The following RSPO1 variants were observed in gnomAD, a reference collection of about 807,000 sequenced individuals.
RSPO1 encodes the protein R-spondin-1.
Under a neutral mutation model 26.0 loss-of-function variants are expected in RSPO1, and 18 were observed. The ratio of observed to expected loss-of-function variants is 0.69; its 90% CI spans 0.48 to 1.03. The LOEUF is 1.03. Among genes scored for constraint, RSPO1 ranks in the 50% least tolerant of loss-of-function variants. RSPO1 has a pLI of 0.00. For synonymous variants in RSPO1, 133 were observed against 137.4 expected, an observed-to-expected ratio of 0.97 and a Z score of 0.22; for missense variants, 309 against 352.3, an observed-to-expected ratio of 0.88 and a Z score of 0.98.
intron 3 of RSPO1, among the ~76,000 whole-genome samples, chr1:37,629,208 T>G (rs573434165): frequency 1.2e-4 from 18 of 152,184 alleles, no homozygotes; most frequent in Non-Finnish European, 2.5e-4. Context: ...GCAGGGGGAT[T>G]GGGGAAGCAT....
intron 3 of RSPO1, among the ~76,000 whole-genome samples, chr1:37,619,263 A>T (rs1049104341): frequency 1.3e-5 from 2 of 152,194 alleles, no homozygotes; most frequent in Non-Finnish European, 2.9e-5. Flanking sequence ...CCAGGGAGAG[A>T]GGAGCTGCAG....
In RSPO1 at chr1:37,612,792, C is replaced by T. The variant is rs1570091837; in HGVS notation, c.755G>A (p.Gly252Glu). 1.2e-6 allele frequency: 2 copies of T among 1,612,646 alleles called. No homozygotes were observed. The highest frequency in any genetic ancestry group is 4.5e-5 in the East Asian group (2 of 44,882). Residue 252 changes from glycine to glutamate, a missense_variant, in exon 7 of 7, where the codon GGG becomes GAG. Transcript: ENST00000356545. ...TGCAGATGTGAGTGGCCCCACTGTC[C>T]CTTGCTGCTGCTGCTGTTGCTGCCC... ...RKGQQQQQQQGTVGPLTSAGP... is the reference protein window; with the variant it reads ...RKGQQQQQQQETVGPLTSAGP...
intron 3 of RSPO1, among the ~76,000 whole-genome samples, chr1:37,621,592 C>T (rs1391963550): frequency 6.6e-6 from 1 of 151,894 alleles, no homozygotes; most frequent in East Asian, 1.9e-4. Flanking sequence ...GGGAGAGGGA[C>T]CACAGGAGGA....
Position 37,612,516 on chromosome 1 carries a change from GTGTGTA to G in RSPO1, c.*233_*238del, listed in dbSNP as rs1325592679. On this transcript the variant is annotated 3_prime_UTR_variant, in exon 7 of 7. Transcript: ENST00000356545. ...TGGCCTCAGGTGTGTGTGTGTGTGT[GTGTGTA>G]TGTGTGTGTGTGGTGTCTGTGTCTG... 6 of 591,442 alleles carry G rather than the reference GTGTGTA, an allele frequency of 1.0e-5. No homozygotes were observed. Among genetic ancestry groups the G allele is most frequent in the South Asian group, 3.8e-5 (2 of 52,294 alleles). 36.6% of individuals were successfully genotyped at this position (591,442 alleles called of 1,614,324 possible). A position where few individuals can be genotyped will look rare whatever the true frequency, so the allele number is the denominator to read the frequency against.
chr1:37,612,341 G>A lies in RSPO1; in HGVS notation c.*414C>T, dbSNP rs1019019455. ...TCAAGCTTGGCTCCCATCTGCCACA[G>A]TGGCTGGTCCGATCCCAGCAGCTTC... On this transcript the variant is annotated 3_prime_UTR_variant, in exon 7 of 7. Transcript: ENST00000356545. 4.4e-5 allele frequency: 10 copies of A among 228,914 alleles called. No homozygotes were observed. Among genetic ancestry groups the A allele is most frequent in the Non-Finnish European group, 8.8e-5 (10 of 113,900 alleles). The allele number at this position is 228,914 out of a possible 1,614,324, so 14.2% of individuals were successfully genotyped here.
rs1644066860 is a variant in RSPO1 at position 37,613,900 on chromosome 1, G to T, written c.437-8C>A. On this transcript the variant is annotated splice_region_variant and splice_polypyrimidine_tract_variant and intron_variant, in intron 5 of 6. Transcript: ENST00000356545. This position sits in a 1 kb window ranked among gnomAD's most constrained non-coding sequence, Gnocchi z 4.5. ...CGCTCATTTCACATTGCGCTGGCAG[G>T]AAGAGAAGGGAAGGGAGAGAAGGAC... 3.1e-6 allele frequency: 5 copies of T among 1,613,758 alleles called. No individual in the cohort carries two copies. In the Admixed American group the frequency reaches 5.0e-5, roughly 16 times the overall value.
chr1:37,634,072 G>A lies in RSPO1; in HGVS notation c.-356+494C>T, dbSNP rs1419425932. ...CATCGGTTCCTGAGCGCCAGACCCC[G>A]AGGGCCAGGGAGCCGCGCCACTTCG... On this transcript the variant is annotated intron_variant, in intron 1 of 6. Coordinates refer to ENST00000356545, the MANE Select transcript of RSPO1 (RefSeq NM_001242908.2). This position sits in a 1 kb window ranked among gnomAD's most constrained non-coding sequence, Gnocchi z 4.7. Among the ~76,000 whole-genome samples, 1 of 152,146 alleles carries A rather than the reference G, an allele frequency of 6.6e-6. No individual in the cohort carries two copies. The highest frequency in any genetic ancestry group is 1.5e-5 in the Non-Finnish European group (1 of 68,028).
intron 3 of RSPO1, 100 bp from the exon 4 acceptor site, chr1:37,616,775 CA>C: frequency 8.8e-7 from 1 of 1,130,756 alleles, no homozygotes; most frequent in Non-Finnish European, 1.3e-6. Flanking sequence ...TGTTTCCTTC[CA>C]CAGAAGGAAT....
In RSPO1 at chr1:37,634,821, C is replaced by G. The variant is rs1422890752; in HGVS notation, c.-611G>C. 1.3e-5 allele frequency: 2 copies of G among 152,270 alleles called. No homozygotes were observed. The highest frequency in any genetic ancestry group is 2.9e-5 in the Non-Finnish European group (2 of 68,070). 9.4% of individuals were successfully genotyped at this position (152,270 alleles called of 1,614,324 possible). On this transcript the variant is annotated 5_prime_UTR_variant, in exon 1 of 7. Transcript: ENST00000356545. This position sits in a 1 kb window ranked among gnomAD's most constrained non-coding sequence, Gnocchi z 4.7. ...GGATGCCCTACTCTGGCCGGTCGCT[C>G]CGGGCTCTCTGCCCTGCGCTGGTGC...
At chr1:37,628,514 A>G (rs770526430) in intron 3 of RSPO1, among the ~76,000 whole-genome samples, 1 of 152,322 alleles carries the variant, frequency 6.6e-6, no homozygotes, top group South Asian at 2.1e-4. Context: ...GCTGGGCTAG[A>G]CTTCAGGAAG....
At chr1:37,616,816 G>A (rs1644121234) in intron 3 of RSPO1, 141 bp from the exon 4 acceptor site, 1 of 801,260 alleles carries the variant, frequency 1.2e-6, no homozygotes, top group Non-Finnish European at 2.1e-6. Context: ...GGCCAGGCTG[G>A]CAGCTCTCTG....
At chr1:37,620,850 T>C (rs1211420967) in intron 3 of RSPO1, among the ~76,000 whole-genome samples, 2 of 152,086 alleles carry the variant, frequency 1.3e-5, no homozygotes, top group Admixed American at 6.6e-5. Context: ...TTCAAAGATA[T>C]TAAATTGTCT....
chr1:37,630,619 C>T (rs547026307), intron 2 of RSPO1, among the ~76,000 whole-genome samples: 3 of 152,358 alleles, frequency 2.0e-5, no homozygotes, highest in South Asian at 4.1e-4. Context: ...CCCAGCCCAG[C>T]GAGAGCCAGG....
chr1:37,623,223 G>A (rs1644228493), intron 3 of RSPO1, among the ~76,000 whole-genome samples: 1 of 147,924 alleles, frequency 6.8e-6, no homozygotes, highest in East Asian at 2.1e-4. Flanking sequence ...GAGAGGCAGT[G>A]AGGGGATGGG....
chr1:37,628,210 C>T (rs1211169217), intron 3 of RSPO1, among the ~76,000 whole-genome samples: 2 of 152,178 alleles, frequency 1.3e-5, no homozygotes, highest in South Asian at 2.1e-4. Flanking sequence ...TCTCTCATTT[C>T]GGAAATAGAG....
rs139353088 is a variant in RSPO1 at position 37,612,499 on chromosome 1, GGTGTGTGT to G, written c.*248_*255del. The G allele has an allele frequency of 5.9e-6, 3 of 509,374 alleles. No individual in the cohort carries two copies. Among genetic ancestry groups the G allele is most frequent in the Non-Finnish European group, 1.1e-5 (3 of 281,286 alleles). The allele number at this position is 509,374 out of a possible 1,614,324, so 31.6% of individuals were successfully genotyped here. ...ATGGAAGTGTCTTCTGGTGGCCTCA[GGTGTGTGT>G]GTGTGTGTGTGTGTATGTGTGTGTG... On this transcript the variant is annotated 3_prime_UTR_variant, in exon 7 of 7. Transcript: ENST00000356545.
chr1:37,618,256 T>C (rs570062635), intron 3 of RSPO1, among the ~76,000 whole-genome samples: 2 of 152,352 alleles, frequency 1.3e-5, no homozygotes, highest in East Asian at 1.9e-4. Flanking sequence ...CTGTGTCATG[T>C]AAGTCCAGGA....
chr1:37,633,731 A>T (rs1644395621), intron 1 of RSPO1, among the ~76,000 whole-genome samples: 1 of 152,108 alleles, frequency 6.6e-6, no homozygotes, highest in Non-Finnish European at 1.5e-5. Flanking sequence ...GAGCCAAGCC[A>T]GGTGCTGGGG....
chr1:37,621,457 G>A (rs556818116), intron 3 of RSPO1, among the ~76,000 whole-genome samples: 7 of 152,218 alleles, frequency 4.6e-5, no homozygotes, highest in African/African-American at 1.7e-4. Flanking sequence ...AGGGGAGGGA[G>A]TAGACACACG....
Sources: allele counts gnomAD v4.1 joint callset (sites outside exome capture counted in the v4.1 genomes callset), GRCh38; gene constraint gnomAD v4.1.1; non-coding constraint Gnocchi (gnomAD v3.1); transcripts MANE v1.5; gene names NCBI Gene and HGNC (gene_info 2026-07-23, HGNC 2026-07-21).